Variants in TTC14 observed in about 807,000 individuals in gnomAD.
TTC14 encodes the protein tetratricopeptide repeat protein 14.
Under a neutral mutation model 79.9 loss-of-function variants are expected in TTC14, and 63 were observed. That is an observed-to-expected ratio of 0.79 (90% CI 0.64 to 0.97). The LOEUF is 0.97. TTC14 is among the 50% of genes least tolerant of loss of function. TTC14 has a pLI of 0.00. For synonymous variants in TTC14, 335 were observed against 309.6 expected, an observed-to-expected ratio of 1.08 and a Z score of -0.86; for missense variants, 895 against 894.0, an observed-to-expected ratio of 1.00 and a Z score of -0.01.
At position 180,611,056 on chromosome 3, in the gene TTC14, T is replaced by A. The variant is rs972818606; in HGVS notation, c.*514T>A. 1.4e-4 allele frequency: 131 copies of A among 961,646 alleles called. 1 individual carries two copies. Among genetic ancestry groups the A allele is most frequent in the Non-Finnish European group, 1.5e-4 (125 of 808,316 alleles). 59.6% of individuals were successfully genotyped at this position (961,646 alleles called of 1,614,324 possible). On this transcript the variant is annotated 3_prime_UTR_variant, in exon 12 of 12. Coordinates refer to ENST00000296015, the MANE Select transcript of TTC14 (RefSeq NM_133462.4). ...ATTTTTTGCCCAATTTTTTTTAAAA[T>A]TTTTAAATGGTAGATTATATGTCTT...
intron 9 of TTC14, among the ~76,000 whole-genome samples, chr3:180,607,236 A>C (rs183387056): frequency 6.6e-6 from 1 of 152,132 alleles, no homozygotes; most frequent in South Asian, 2.1e-4. Context: ...TGATTATGCT[A>C]TTTACAGGCT....
At position 180,603,008 on chromosome 3, in the gene TTC14, CAGT is replaced by C. The variant is rs1283074399; in HGVS notation, c.280_282del (p.Ser94del). 1.2e-6 allele frequency: 2 copies of C among 1,613,112 alleles called. No homozygotes were observed. Among genetic ancestry groups the C allele is most frequent in the Non-Finnish European group, 1.7e-6 (2 of 1,179,770 alleles). Reference sequence around the variant, plus strand: ...CTGCAACTTCTGAAATTAATGAAGACAGTGAAGGTCAGTTTAGCCTTAAAATCT... The same window carrying C: ...CTGCAACTTCTGAAATTAATGAAGACGAAGGTCAGTTTAGCCTTAAAATCT... On this transcript the variant is annotated inframe_deletion, in exon 2 of 12. Transcript: ENST00000296015.
At chr3:180,603,397 T>C (rs1010646139) in intron 3 of TTC14, 74 bp downstream of exon 3, 6 of 1,274,246 alleles carry the variant, frequency 4.7e-6, no homozygotes, top group Non-Finnish European at 6.9e-6. Context: ...TATCTTTGCA[T>C]GCAGTTGTGC....
chr3:180,616,572 C>A, intron 12 of TTC14: 1 of 1,601,658 alleles, frequency 6.2e-7, no homozygotes, highest in Non-Finnish European at 8.5e-7. Flanking sequence ...TCTATGATAT[C>A]AACTAACATT....
In TTC14 at chr3:180,616,576, T is replaced by C. The variant is rs1717252361; in HGVS notation, c.1775-804T>C. 6.2e-7 allele frequency: 1 copy of C among 1,601,890 alleles called. No individual in the cohort carries two copies. The highest frequency in any genetic ancestry group is 8.5e-7 in the Non-Finnish European group (1 of 1,174,600). On this transcript the variant is annotated intron_variant, in intron 12 of 12. Transcript: ENST00000382584. ...CAGTATTTTCTTCTATGATATCAACTAACATTTCATCAATAACTTTGTGAA... is the reference window on the plus strand; with the variant it reads ...CAGTATTTTCTTCTATGATATCAACCAACATTTCATCAATAACTTTGTGAA...
chr3:180,613,198 AATT>A (rs1490724000), downstream of TTC14, among the ~76,000 whole-genome samples: 4 of 152,154 alleles, frequency 2.6e-5, no homozygotes, highest in Admixed American at 2.6e-4. Flanking sequence ...TCACAGCAAA[AATT>A]ATTGGGGATT....
rs1716578894 is a variant in TTC14 at position 180,604,699 on chromosome 3, G to A, written c.701+92G>A. ...TTTTTATAACGGTTAAATTACTTCAGACTTGGTAAAAGGAAACCATATCAT... is the reference window on the plus strand; with the variant it reads ...TTTTTATAACGGTTAAATTACTTCAAACTTGGTAAAAGGAAACCATATCAT... On this transcript the variant is annotated intron_variant, in intron 5 of 11. Transcript: ENST00000296015. 6.8e-6 allele frequency: 10 copies of A among 1,469,526 alleles called. 1 individual carries two copies. In the South Asian group the frequency reaches 1.4e-4, roughly 20 times the overall value. 91.0% of individuals were successfully genotyped at this position (1,469,526 alleles called of 1,614,324 possible).
At chr3:180,612,094 CATCTT>C (rs900472890), downstream of TTC14, among the ~76,000 whole-genome samples, 1 of 151,078 alleles carries the variant, frequency 6.6e-6, no homozygotes, top group Non-Finnish European at 1.5e-5. Context: ...TTAAGAAATT[CATCTT>C]AAAAAGAGTC....
In TTC14 at chr3:180,606,511, A is replaced by G; in HGVS notation, c.1080A>G (p.Ala360=). The stretch of plus-strand genomic sequence containing the variant: ...CGACAAAAGGAAGTTTGAACAAAGC[A>G]ATAGAAGATTTTGAGCTTGCATTAG... ...LYATKGSLNK[A]IEDFELALEN... is the part of the protein sequence containing the mutation. Residue 360 remains alanine, a synonymous_variant, in exon 9 of 12, where the codon GCA becomes GCG. Coordinates refer to ENST00000296015, the MANE Select transcript of TTC14 (RefSeq NM_133462.4). 1.9e-6 allele frequency: 3 copies of G among 1,614,040 alleles called. No individual in the cohort carries two copies. The highest frequency in any genetic ancestry group is 2.2e-5 in the South Asian group (2 of 91,064).
chr3:180,611,246 C>A, downstream of TTC14: 1 of 833,678 alleles, frequency 1.2e-6, no homozygotes, highest in Non-Finnish European at 1.4e-6. Context: ...CCATAAAAAG[C>A]TTTTTAACTT....
Position 180,606,527 on chromosome 3 carries a change from C to T in TTC14, c.1096C>T (p.Leu366Phe), listed in dbSNP as rs1281960660. ...GAACAAAGCAATAGAAGATTTTGAG[C>T]TTGCATTAGAAAACTGTCCAACTCA... is the stretch of plus-strand genomic sequence containing the variant. ...SLNKAIEDFELALENCPTHRN... is the reference protein window; with the variant it reads ...SLNKAIEDFEFALENCPTHRN... The change falls in exon 9 of 12, where the codon CTT (leucine) becomes TTT (phenylalanine). Residue 366 changes from leucine (L) to phenylalanine (F), a missense_variant. Transcript: ENST00000296015. 6 of 1,613,940 alleles carry T rather than the reference C, an allele frequency of 3.7e-6. No individual in the cohort carries two copies. Among genetic ancestry groups the T allele is most frequent in the African/African-American group, 2.7e-5 (2 of 75,018 alleles).
At chr3:180,607,287 C>T (rs1321482317) in intron 9 of TTC14, among the ~76,000 whole-genome samples, 2 of 151,960 alleles carry the variant, frequency 1.3e-5, no homozygotes, top group African/African-American at 4.8e-5. Flanking sequence ...CAAAGATTTC[C>T]AAAATTTTCT....
chr3:180,610,868 A>G lies in TTC14; in HGVS notation c.*326A>G. On this transcript the variant is annotated 3_prime_UTR_variant, in exon 12 of 12. Transcript: ENST00000296015. ...ATATGAGAATTCCTGGGTGCATCTT[A>G]TTCTGCTGTTTGAGAGAAAAATTTG... 5 of 990,802 alleles carry G rather than the reference A, an allele frequency of 5.0e-6. No individual in the cohort carries two copies. Among genetic ancestry groups the G allele is most frequent in the Non-Finnish European group, 6.0e-6 (5 of 833,526 alleles). 61.4% of individuals were successfully genotyped at this position (990,802 alleles called of 1,614,324 possible).
At chr3:180,602,858 C>A in intron 1 of TTC14, 33 bp from the exon 2 acceptor site, 1 of 1,588,266 alleles carries the variant, frequency 6.3e-7, no homozygotes, top group Non-Finnish European at 8.5e-7. Flanking sequence ...TTGCAGATAA[C>A]CCAATTTTCA....
At chr3:180,612,185 C>T (rs916348065), downstream of TTC14, among the ~76,000 whole-genome samples, 2 of 152,170 alleles carry the variant, frequency 1.3e-5, no homozygotes, top group African/African-American at 4.8e-5. Flanking sequence ...GTGAAAACTA[C>T]TTCTTGGCAT....
intron 12 of TTC14, chr3:180,617,009 T>G: frequency 9.2e-7 from 1 of 1,082,160 alleles, no homozygotes. Flanking sequence ...AATCAGAAAT[T>G]GACTTTTATA....
Position 180,603,326 on chromosome 3 carries a change from A to C in TTC14, c.486+3A>C. 1.9e-6 allele frequency: 3 copies of C among 1,612,380 alleles called. No individual in the cohort carries two copies. The highest frequency in any genetic ancestry group is 2.5e-6 in the Non-Finnish European group (3 of 1,178,520). ...ATATAGCCCACTTAGAAATCACAGT[A>C]AGTTATTTTTGTTACTTGGATTGCT... On this transcript the variant is annotated splice_donor_region_variant and intron_variant, in intron 3 of 11. Coordinates refer to ENST00000296015, the MANE Select transcript of TTC14 (RefSeq NM_133462.4).
chr3:180,603,384 CTA>C, intron 3 of TTC14, 61 bp downstream of exon 3: 1 of 1,391,546 alleles, frequency 7.2e-7, no homozygotes, highest in Non-Finnish European at 1.0e-6. Flanking sequence ...AATGCAAGAA[CTA>C]TATCTTTGCA....
At chr3:180,611,272 C>T (rs895059268), downstream of TTC14, 2 of 632,790 alleles carry the variant, frequency 3.2e-6, no homozygotes, top group African/African-American at 2.0e-5. Context: ...ATTTACAAGG[C>T]CCTTAGGGCC....
Sources: allele counts gnomAD v4.1 joint callset (sites outside exome capture counted in the v4.1 genomes callset), GRCh38; gene constraint gnomAD v4.1.1; transcripts MANE v1.5; gene names NCBI Gene and HGNC (gene_info 2026-07-23, HGNC 2026-07-21).